FAM171A1: variants seen among roughly 807,000 people sequenced by gnomAD.
FAM171A1 encodes family with sequence similarity 171 member A1, also known as protein FAM171A1.
Under a neutral mutation model 74.9 loss-of-function variants are expected in FAM171A1, and 23 were observed. That is an observed-to-expected ratio of 0.31 (90% CI 0.22 to 0.44). The LOEUF (loss-of-function observed/expected upper bound fraction) is 0.44, where lower values mean the gene tolerates loss of function less well. Ranked by LOEUF, FAM171A1 falls within the 20% of genes least tolerant of loss-of-function variation. FAM171A1 has a pLI of 1.00. For missense variants in FAM171A1, 1,162 were observed against 1,159.2 expected, an observed-to-expected ratio of 1.00 and a Z score of -0.03; for synonymous variants, 527 against 505.7, an observed-to-expected ratio of 1.04 and a Z score of -0.57.
rs1178951516 is a variant in FAM171A1, at chr10:15,213,478, G to A, written c.2110C>T (p.His704Tyr). Residue 704 changes from histidine (H) to tyrosine (Y), a missense_variant, in exon 8 of 8, where the codon CAC (histidine) becomes TAC (tyrosine). Physicochemically the swap from His to Tyr is moderately conservative, Grantham distance 83. Coordinates refer to ENST00000378116, the MANE Select transcript of FAM171A1 (RefSeq NM_001010924.2). The surrounding 1 kb of genome is among the most constrained non-coding windows in gnomAD (Gnocchi z 6.8). The part of the protein sequence containing the change: ...MELGGGKPLP[H>Y]PRAWFVSLDG... ...AAGGAGACGAACCACGCCCGGGGGT[G>A]CGGAAGCGGCTTCCCACCCCCAAGC... 2 of 1,614,020 alleles carry A rather than the reference G, an allele frequency of 1.2e-6. No homozygotes were observed. The highest frequency in any genetic ancestry group is 1.7e-5 in the Admixed American group (1 of 59,998).
chr10:15,253,773 G>C (rs934518590), intron 4 of FAM171A1, among the ~76,000 whole-genome samples: 1 of 152,132 alleles, frequency 6.6e-6, no homozygotes, highest in Non-Finnish European at 1.5e-5. Context: ...TTAAAGTGTG[G>C]GGGAAAGGAA....
intron 1 of FAM171A1, among the ~76,000 whole-genome samples, chr10:15,352,336 T>C (rs967916779): frequency 6.6e-6 from 1 of 152,210 alleles, no homozygotes; most frequent in Non-Finnish European, 1.5e-5. Flanking sequence ...CATTCTCTCA[T>C]GGACTCTAAG....
intron 6 of FAM171A1, among the ~76,000 whole-genome samples, chr10:15,217,921 G>A (rs768121365): frequency 7.2e-5 from 11 of 152,084 alleles, no homozygotes; most frequent in Admixed American, 1.3e-4. Flanking sequence ...ATGAGCCACC[G>A]CACCCGGCCC....
chr10:15,360,815 G>A (rs1288783764), intron 1 of FAM171A1, among the ~76,000 whole-genome samples: 3 of 152,156 alleles, frequency 2.0e-5, no homozygotes, highest in African/African-American at 7.2e-5. Context: ...TAGAAACCAC[G>A]CCTTCATCAA....
At position 15,260,107 on chromosome 10, in the gene FAM171A1, G is replaced by A. The variant is rs1486632547; in HGVS notation, c.419-5228C>T. ...CTTCCAAAGTGCTGGGGTTACAGGTGTGAACCACCACGCCTGGCCTCTCTG... is the reference window on the plus strand; with the variant it reads ...CTTCCAAAGTGCTGGGGTTACAGGTATGAACCACCACGCCTGGCCTCTCTG... On this transcript the variant is annotated intron_variant, in intron 3 of 7. Coordinates refer to ENST00000378116, the MANE Select transcript of FAM171A1 (RefSeq NM_001010924.2). Among the ~76,000 whole-genome samples the A allele has an allele frequency of 2.0e-5, 3 of 152,100 alleles. No individual in the cohort carries two copies. The East Asian group carries it at 5.8e-4, about 29-fold the overall frequency.
intron 4 of FAM171A1, among the ~76,000 whole-genome samples, chr10:15,253,993 G>A (rs963162077): frequency 5.9e-5 from 9 of 152,206 alleles, no homozygotes; most frequent in Non-Finnish European, 1.3e-4. Flanking sequence ...TGATCTTTTA[G>A]CTGTGGCATG....
At chr10:15,235,664 G>C (rs1409187714) in intron 5 of FAM171A1, among the ~76,000 whole-genome samples, 2 of 152,098 alleles carry the variant, frequency 1.3e-5, no homozygotes, top group Non-Finnish European at 2.9e-5. Flanking sequence ...TGCAGACTCA[G>C]GCAATAACAT....
intron 1 of FAM171A1, among the ~76,000 whole-genome samples, chr10:15,344,296 C>T (rs1323031729): frequency 6.6e-6 from 1 of 152,178 alleles, no homozygotes; most frequent in Non-Finnish European, 1.5e-5. Context: ...CAGCAACTGT[C>T]TTCTACCAGT....
intron 3 of FAM171A1, among the ~76,000 whole-genome samples, chr10:15,266,926 G>A (rs1283159339): frequency 2.6e-5 from 4 of 151,870 alleles, no homozygotes; most frequent in South Asian, 2.1e-4. Context: ...GGAGGCCAGG[G>A]AGTGTGAGTT....
chr10:15,222,029 G>C (rs1349803059), intron 5 of FAM171A1, among the ~76,000 whole-genome samples: 4 of 152,206 alleles, frequency 2.6e-5, no homozygotes, highest in Admixed American at 6.5e-5. Context: ...CCTGCAGAGA[G>C]CCTTGCTCTG....
In FAM171A1 at chr10:15,288,813, CTTTTTTTTTTTT is replaced by C. The variant is rs71505064; in HGVS notation, c.98-4720_98-4709del. 1.2e-4 allele frequency among the ~76,000 whole-genome samples: 9 copies of C among 73,700 alleles called. 1 individual carries two copies. The East Asian group carries it at 1.9e-3, about 16-fold the overall frequency. 48.4% of individuals were successfully genotyped at this position (73,700 alleles called of 152,430 possible). On this transcript the variant is annotated intron_variant, in intron 1 of 7. Coordinates refer to ENST00000378116, the MANE Select transcript of FAM171A1 (RefSeq NM_001010924.2). ...AAAATGTCAGTATGATTCGGTAATT[CTTTTTTTTTTTT>C]TTTTTTTTTTTTTTGAGACAGAGTC... is the stretch of plus-strand genomic sequence containing the variant.
At chr10:15,295,948 A>C (rs1695091592) in intron 1 of FAM171A1, among the ~76,000 whole-genome samples, 1 of 152,218 alleles carries the variant, frequency 6.6e-6, no homozygotes, top group Admixed American at 6.5e-5. Flanking sequence ...AACATTTTCC[A>C]AATAGGAGGT....
At chr10:15,323,337 C>T (rs548045003) in intron 1 of FAM171A1, among the ~76,000 whole-genome samples, 9 of 152,122 alleles carry the variant, frequency 5.9e-5, no homozygotes, top group Non-Finnish European at 1.2e-4. Context: ...TCTGTAATCC[C>T]AGCTACTTGG....
chr10:15,272,069 C>T (rs544427285), intron 3 of FAM171A1, among the ~76,000 whole-genome samples: 1 of 152,220 alleles, frequency 6.6e-6, no homozygotes, highest in African/African-American at 2.4e-5. Context: ...ATAAATGCTC[C>T]AATTAAAAGA....
intron 1 of FAM171A1, among the ~76,000 whole-genome samples, chr10:15,321,091 G>T (rs982615494): frequency 3.3e-5 from 5 of 152,218 alleles, no homozygotes; most frequent in African/African-American, 1.2e-4. Flanking sequence ...GAGCCACCTA[G>T]AAGAATATCC....
intron 1 of FAM171A1, among the ~76,000 whole-genome samples, chr10:15,312,671 G>GTGTT (rs1835374449): frequency 5.8e-5 from 3 of 51,882 alleles, no homozygotes; most frequent in East Asian, 8.7e-4. Flanking sequence ...TCAGCACTGT[G>GTGTT]TGTTTTTTTT....
At chr10:15,289,127 C>T (rs1323572809) in intron 1 of FAM171A1, among the ~76,000 whole-genome samples, 5 of 152,020 alleles carry the variant, frequency 3.3e-5, no homozygotes, top group Admixed American at 1.3e-4. Flanking sequence ...CGGCCTGATT[C>T]GGTAATTCTT....
At chr10:15,351,013 C>A (rs1355133321) in intron 1 of FAM171A1, among the ~76,000 whole-genome samples, 2 of 152,098 alleles carry the variant, frequency 1.3e-5, no homozygotes, top group African/African-American at 2.4e-5. Flanking sequence ...GGAAGCCCCC[C>A]TTGAATGCCC....
Position 15,284,029 on chromosome 10 carries a change from GGTGA to G in FAM171A1, c.170_173del (p.Phe57SerfsTer6). The G allele has an allele frequency of 1.9e-6, 3 of 1,614,136 alleles. No individual in the cohort carries two copies. The highest frequency in any genetic ancestry group is 2.5e-6 in the Non-Finnish European group (3 of 1,180,030). Reference sequence around the variant, plus strand: ...TGCCAGAGGCTATGGAGGCCTGGTTGGTGAAGATCTCGATGAGCGCATCTGCTAC... The same window carrying G: ...TGCCAGAGGCTATGGAGGCCTGGTTGAGATCTCGATGAGCGCATCTGCTAC... On this transcript the variant is annotated frameshift_variant, in exon 2 of 8. Coordinates refer to ENST00000378116, the MANE Select transcript of FAM171A1 (RefSeq NM_001010924.2). LOFTEE classifies it high-confidence loss of function.
Sources: allele counts gnomAD v4.1 joint callset (sites outside exome capture counted in the v4.1 genomes callset), GRCh38; gene constraint gnomAD v4.1.1; non-coding constraint Gnocchi (gnomAD v3.1); transcripts MANE v1.5; gene names NCBI Gene and HGNC (gene_info 2026-07-23, HGNC 2026-07-21).